DCLRE1C: variants seen among roughly 807,000 people sequenced by gnomAD.
DCLRE1C encodes DNA cross-link repair 1C.
A neutral mutation model predicts 61.4 loss-of-function variants in DCLRE1C; 47 were observed. The observed-to-expected ratio is 0.77, with a 90% confidence interval of 0.61 to 0.98. DCLRE1C has a LOEUF of 0.98. Ranked by LOEUF, DCLRE1C falls within the 50% of genes least tolerant of loss-of-function variation. DCLRE1C has a pLI of 0.00. For missense variants in DCLRE1C, 858 were observed against 816.0 expected (o/e 1.05, Z -0.63); for synonymous variants, 337 against 287.6 (o/e 1.17, Z -1.74).
chr10:14,947,010 G>C (rs912539535), intron 2 of DCLRE1C, among the ~76,000 whole-genome samples: 1 of 152,116 alleles, frequency 6.6e-6, no homozygotes, highest in Non-Finnish European at 1.5e-5. Flanking sequence ...TCAGGAGTTT[G>C]AGACCAGCCT....
rs770895224 is a variant in DCLRE1C at position 14,908,433 on chromosome 10, C to G, written c.2054G>C (p.Arg685Thr). 1.1e-5 allele frequency: 17 copies of G among 1,613,596 alleles called. No homozygotes were observed. The East Asian group carries it at 3.8e-4, about 36-fold the overall frequency. ...TTAGGTATCTAAGAGTGAGCATTTT[C>G]TTTTTTTGACTGCTATACTCTCACC... ...ATGESIAVKK[R>T]KCSLLDT is the part of the protein sequence containing the mutation. Residue 685 changes from arginine to threonine, a missense_variant, in exon 14 of 14, where the codon AGA (arginine) becomes ACA (threonine). This residue lies in a region of DCLRE1C where 843 missense variants were observed against 783.5 expected (regional missense o/e 1.08). Transcript: ENST00000378278.
At chr10:14,926,429 C>A (rs981985169) in intron 11 of DCLRE1C, among the ~76,000 whole-genome samples, 1 of 152,072 alleles carries the variant, frequency 6.6e-6, no homozygotes, top group Non-Finnish European at 1.5e-5. Flanking sequence ...CCAAGGCAGA[C>A]GGATTACCTG....
chr10:14,941,086 C>T (rs1840776926), intron 3 of DCLRE1C, among the ~76,000 whole-genome samples: 1 of 152,144 alleles, frequency 6.6e-6, no homozygotes, highest in Non-Finnish European at 1.5e-5. Context: ...CCATATTGGC[C>T]AGACTGGTCT....
At chr10:14,945,258 A>G in intron 2 of DCLRE1C, 69 bp from the exon 3 acceptor site, 3 of 1,491,124 alleles carry the variant, frequency 2.0e-6, no homozygotes, top group Non-Finnish European at 2.8e-6. Context: ...TAAGAAATCT[A>G]TTTCATCATA....
intron 13 of DCLRE1C, among the ~76,000 whole-genome samples, chr10:14,919,165 T>C (rs1272318781): frequency 1.3e-5 from 2 of 152,170 alleles, no homozygotes; most frequent in Non-Finnish European, 2.9e-5. Flanking sequence ...AACCACGAAA[T>C]AGGGCTGCTG....
intron 13 of DCLRE1C, among the ~76,000 whole-genome samples, chr10:14,912,243 A>G (rs537220199): frequency 3.3e-4 from 50 of 152,202 alleles, no homozygotes; most frequent in African/African-American, 1.1e-3. Flanking sequence ...TTAAGCAGAG[A>G]CAAGTTTTCA....
chr10:14,917,913 G>A (rs764176886), intron 13 of DCLRE1C, among the ~76,000 whole-genome samples: 6 of 152,168 alleles, frequency 3.9e-5, no homozygotes, highest in Non-Finnish European at 8.8e-5. Context: ...ATTAAAAGAT[G>A]CACAACCTTG....
chr10:14,918,627 TTTAA>T (rs1210968207), intron 13 of DCLRE1C, among the ~76,000 whole-genome samples: 1 of 149,048 alleles, frequency 6.7e-6, no homozygotes, highest in African/African-American at 2.5e-5. Context: ...AAAGCTGTTT[TTTAA>T]AAAAAAAAAA....
At chr10:14,937,532 C>A (rs947003107) in intron 4 of DCLRE1C, among the ~76,000 whole-genome samples, 3 of 152,054 alleles carry the variant, frequency 2.0e-5, no homozygotes, top group African/African-American at 7.2e-5. Flanking sequence ...GATACATCTG[C>A]CTCGGCCTCC....
intron 13 of DCLRE1C, among the ~76,000 whole-genome samples, chr10:14,913,118 A>T (rs1445396406): frequency 6.6e-6 from 1 of 152,240 alleles, no homozygotes; most frequent in Non-Finnish European, 1.5e-5. Context: ...GGCCTCCCAA[A>T]GTGCTGGGAT....
At chr10:14,937,013 T>C (rs1564447964) in intron 4 of DCLRE1C, among the ~76,000 whole-genome samples, 2 of 152,226 alleles carry the variant, frequency 1.3e-5, no homozygotes, top group Admixed American at 6.5e-5. Flanking sequence ...TGGATGATCC[T>C]TGAAAACATC....
At chr10:14,910,775 A>G (rs1169823769) in intron 13 of DCLRE1C, among the ~76,000 whole-genome samples, 1 of 130,684 alleles carries the variant, frequency 7.7e-6, no homozygotes, top group Non-Finnish European at 1.5e-5. Context: ...GGTAAGATGG[A>G]GTAACGGACT....
chr10:14,902,313 A>T, downstream of DCLRE1C: 1 of 782,258 alleles, frequency 1.3e-6, no homozygotes, highest in Non-Finnish European at 2.0e-6. Flanking sequence ...ACCCTCTATC[A>T]CTGATAATAA....
chr10:14,900,400 C>A (rs1420822699), downstream of DCLRE1C, among the ~76,000 whole-genome samples: 2 of 152,116 alleles, frequency 1.3e-5, no homozygotes, highest in Non-Finnish European at 2.9e-5. Flanking sequence ...TATAGCTGAA[C>A]ATATAAAGGA....
rs1346433392 is a variant in DCLRE1C, at chr10:14,906,103, C to T, written c.*2305G>A. ...ATACTTTTTTGGAGAGACATCAGAGCATAGCAGTTAAGATCATGGTCTCTG... is the reference window on the plus strand; with the variant it reads ...ATACTTTTTTGGAGAGACATCAGAGTATAGCAGTTAAGATCATGGTCTCTG... On this transcript the variant is annotated 3_prime_UTR_variant, in exon 14 of 14. Coordinates refer to ENST00000378278, the MANE Select transcript of DCLRE1C (RefSeq NM_001033855.3). 6.6e-6 allele frequency among the ~76,000 whole-genome samples: 1 copy of T among 152,196 alleles called. No individual in the cohort carries two copies. Among genetic ancestry groups the T allele is most frequent in the East Asian group, 1.9e-4 (1 of 5,198 alleles).
At chr10:14,934,300 C>G in intron 8 of DCLRE1C, 80 bp downstream of exon 8, 1 of 1,576,994 alleles carries the variant, frequency 6.3e-7, no homozygotes, top group Non-Finnish European at 8.6e-7. Context: ...TACACTCCAG[C>G]CTGGGCAACA....
At chr10:14,912,854 T>C (rs1835499243) in intron 13 of DCLRE1C, among the ~76,000 whole-genome samples, 1 of 151,852 alleles carries the variant, frequency 6.6e-6, no homozygotes, top group Admixed American at 6.6e-5. Context: ...GCTAATTTTT[T>C]GTGTTTTTAG....
intron 4 of DCLRE1C, among the ~76,000 whole-genome samples, chr10:14,937,964 T>C (rs1840242240): frequency 6.9e-6 from 1 of 144,546 alleles, no homozygotes; most frequent in Non-Finnish European, 1.5e-5. Context: ...CTGCACATCA[T>C]ACTGTTCGGC....
exon 14 of DCLRE1C, chr10:14,899,084 T>C: frequency 1.6e-6 from 1 of 613,082 alleles, no homozygotes; most frequent in Non-Finnish European, 2.9e-6. Context: ...CTTGGGGAGG[T>C]CAAGGCTGGA....
Sources: gnomAD v4.1 joint callset for allele counts (sites outside exome capture counted in the v4.1 genomes callset) on GRCh38, gnomAD v4.1.1 for gene constraint, gnomAD v4.1.1 regional missense constraint, MANE v1.5 for transcripts, NCBI Gene and HGNC (gene_info 2026-07-23, HGNC 2026-07-21) for gene names.